The following SPAG16 variants were observed in gnomAD, a reference collection of about 807,000 sequenced individuals.
SPAG16 encodes sperm associated antigen 16, also known as sperm-associated antigen 16 protein.
In SPAG16, 86 loss-of-function variants were observed where a neutral mutation model predicts 80.4. The ratio of observed to expected loss-of-function variants is 1.07; its 90% confidence interval spans 0.90 to 1.28. The LOEUF (loss-of-function observed/expected upper bound fraction) is 1.28. Ranked by LOEUF, SPAG16 falls within the 50% of genes most tolerant of loss-of-function variation. SPAG16 has a pLI of 0.00. For synonymous variants in SPAG16, 294 were observed against 265.9 expected, an observed-to-expected ratio of 1.11 and a Z score of -1.03; for missense variants, 870 against 765.3, an observed-to-expected ratio of 1.14 and a Z score of -1.61.
At chr2:213,360,803 G>T (rs10169877) in intron 7 of SPAG16, among the ~76,000 whole-genome samples, 148,437 of 152,332 alleles carry the variant, frequency 0.97, 72,429 homozygotes, top group East Asian at 1. Context: ...ATAGAAGATA[G>T]GTTACTTTTG....
In SPAG16 at chr2:214,233,072, C is replaced by T. The variant is rs1255394225; in HGVS notation, c.1720+83806C>T. On this transcript the variant is annotated intron_variant, in intron 15 of 15. Transcript: ENST00000331683. ...ATAAAGAGTTCAAAATCAGGCAAAA[C>T]TGTTTTATATCATTTAGAAGTACAT... 3.3e-5 allele frequency among the ~76,000 whole-genome samples: 5 copies of T among 151,904 alleles called. No homozygotes were observed. In the Admixed American group the frequency reaches 3.3e-4, roughly 10 times the overall value.
intron 15 of SPAG16, among the ~76,000 whole-genome samples, chr2:214,303,711 G>T (rs1694720282): frequency 6.6e-6 from 1 of 152,058 alleles, no homozygotes; most frequent in Non-Finnish European, 1.5e-5. Context: ...CATCAAATAT[G>T]ATTTTCTTTT....
At chr2:214,003,339 G>A (rs2046882362) in intron 12 of SPAG16, among the ~76,000 whole-genome samples, 1 of 152,188 alleles carries the variant, frequency 6.6e-6, no homozygotes, top group Non-Finnish European at 1.5e-5. Flanking sequence ...CAATGTATAT[G>A]TTTTCTGCCT....
chr2:213,340,429 T>TTG (rs2064624571), intron 6 of SPAG16, among the ~76,000 whole-genome samples, 159 bp downstream of exon 6: 1 of 152,096 alleles, frequency 6.6e-6, no homozygotes, highest in African/African-American at 2.4e-5. Context: ...CAGAAAATAC[T>TTG]TGTGTGTGTG....
chr2:214,003,916 A>G (rs1432644545), intron 12 of SPAG16, among the ~76,000 whole-genome samples: 1 of 152,200 alleles, frequency 6.6e-6, no homozygotes, highest in African/African-American at 2.4e-5. Flanking sequence ...GCTGTTTTAA[A>G]TAGGGAAATC....
chr2:213,307,331 A>G (rs988690073), intron 3 of SPAG16, among the ~76,000 whole-genome samples: 3 of 142,974 alleles, frequency 2.1e-5, no homozygotes, highest in Non-Finnish European at 3.1e-5. Flanking sequence ...CATTAGGTAT[A>G]TCTCCCAATG....
At chr2:213,582,775 C>T (rs1239362275) in intron 10 of SPAG16, among the ~76,000 whole-genome samples, 1 of 152,050 alleles carries the variant, frequency 6.6e-6, no homozygotes, top group Non-Finnish European at 1.5e-5. Context: ...AGTCTGCTTG[C>T]ATTTTGGTAG....
At chr2:214,156,518 A>G (rs1179169816) in intron 15 of SPAG16, among the ~76,000 whole-genome samples, 1 of 152,174 alleles carries the variant, frequency 6.6e-6, no homozygotes, top group African/African-American at 2.4e-5. Flanking sequence ...GGTGGCTCAC[A>G]CCTGTAATCC....
intron 10 of SPAG16, among the ~76,000 whole-genome samples, chr2:213,626,810 G>C (rs2061978289): frequency 6.6e-6 from 1 of 151,826 alleles, no homozygotes; most frequent in African/African-American, 2.4e-5. Flanking sequence ...ACCACACCTG[G>C]CTACTTTTTG....
chr2:213,967,631 A>G (rs1299301793), intron 12 of SPAG16, among the ~76,000 whole-genome samples: 1 of 152,312 alleles, frequency 6.6e-6, no homozygotes, highest in African/African-American at 2.4e-5. Flanking sequence ...AATAACTAAG[A>G]TGAAAATTAT....
chr2:213,599,472 A>C (rs1187263502), intron 10 of SPAG16, among the ~76,000 whole-genome samples: 1 of 152,182 alleles, frequency 6.6e-6, no homozygotes, highest in African/African-American at 2.4e-5. Context: ...TGGTGATGAC[A>C]AGGATGAAGA....
intron 13 of SPAG16, among the ~76,000 whole-genome samples, chr2:214,094,265 C>G (rs758911989): frequency 5.3e-5 from 8 of 152,036 alleles, no homozygotes; most frequent in Non-Finnish European, 8.8e-5. Flanking sequence ...TGGCTTACCC[C>G]AGACCTACTG....
At position 214,113,771 on chromosome 2, in the gene SPAG16, C is replaced by T. The variant is rs149696413; in HGVS notation, c.1593+5510C>T. Among the ~76,000 whole-genome samples the T allele has an allele frequency of 8.3e-3, 1,270 of 152,274 alleles. 20 individuals are homozygous for T. Among genetic ancestry groups the T allele is most frequent in the African/African-American group, 0.029 (1,206 of 41,542 alleles). Reference sequence around the variant, plus strand: ...CTTCCTTGTGATGGGTTTGAACATCCTCCTTTAGCTCGGAGAAGTTTGTTA... The same window carrying T: ...CTTCCTTGTGATGGGTTTGAACATCTTCCTTTAGCTCGGAGAAGTTTGTTA... On this transcript the variant is annotated intron_variant, in intron 14 of 15. Coordinates refer to ENST00000331683, the MANE Select transcript of SPAG16 (RefSeq NM_024532.5).
Position 214,037,144 on chromosome 2 carries a change from T to C in SPAG16, c.1527+23067T>C, listed in dbSNP as rs145608897. 5.3e-3 allele frequency among the ~76,000 whole-genome samples: 811 copies of C among 151,978 alleles called. 2 individuals carry two copies. The highest frequency in any genetic ancestry group is 9.2e-3 in the Non-Finnish European group (625 of 67,868). ...TTTATTGATGAAATGTTTGAGGTTATAGGGTTTCCTTTTATCACTATTTTA... is the reference window on the plus strand; with the variant it reads ...TTTATTGATGAAATGTTTGAGGTTACAGGGTTTCCTTTTATCACTATTTTA... On this transcript the variant is annotated intron_variant, in intron 13 of 15. Transcript: ENST00000331683.
chr2:213,898,878 G>C (rs1391436325), intron 11 of SPAG16, among the ~76,000 whole-genome samples: 1 of 152,036 alleles, frequency 6.6e-6, no homozygotes, highest in Non-Finnish European at 1.5e-5. Context: ...TGTGAGTCTG[G>C]TTATTAGGAA....
At chr2:213,981,033 T>G (rs188992833) in intron 12 of SPAG16, among the ~76,000 whole-genome samples, 154 of 152,178 alleles carry the variant, frequency 1.0e-3, no homozygotes, top group African/African-American at 3.6e-3. Flanking sequence ...AGAAATTTGT[T>G]TCTCACAGTT....
intron 10 of SPAG16, among the ~76,000 whole-genome samples, chr2:213,720,158 G>A (rs577328855): frequency 6.6e-6 from 1 of 152,234 alleles, no homozygotes; most frequent in Non-Finnish European, 1.5e-5. Context: ...GGCACACGGA[G>A]GGGAACATCA....
At chr2:213,941,784 C>G (rs1460764767) in intron 12 of SPAG16, among the ~76,000 whole-genome samples, 1 of 152,092 alleles carries the variant, frequency 6.6e-6, no homozygotes, top group Non-Finnish European at 1.5e-5. Context: ...TCACTCTCAT[C>G]ATATTTTGAA....
Position 213,350,584 on chromosome 2 carries a change from A to G in SPAG16, c.701A>G (p.His234Arg), listed in dbSNP as rs1227291835. The G allele has an allele frequency of 3.7e-6, 6 of 1,604,598 alleles. No individual in the cohort carries two copies. The highest frequency in any genetic ancestry group is 5.1e-6 in the Non-Finnish European group (6 of 1,177,280). The change falls in exon 7 of 16, where the codon CAC becomes CGC. Residue 234 changes from histidine to arginine, a missense_variant. His to Arg is a conservative substitution (Grantham distance 29, BLOSUM62 0). Coordinates refer to ENST00000331683, the MANE Select transcript of SPAG16 (RefSeq NM_024532.5). ...ACTATAAGGGTGTTACATGAGAAAC[A>G]CCACACTTTACTGAAGGAGAAAATG... The part of the protein sequence containing the change: ...EPTIRVLHEK[H>R]HTLLKEKMLT...
Sources: gnomAD v4.1 joint callset for allele counts (sites outside exome capture counted in the v4.1 genomes callset) on GRCh38, gnomAD v4.1.1 for gene constraint, MANE v1.5 for transcripts, NCBI Gene and HGNC (gene_info 2026-07-23, HGNC 2026-07-21) for gene names.